Variants in THSD4 observed in about 807,000 individuals in gnomAD.
THSD4 encodes the protein thrombospondin type-1 domain-containing protein 4.
A neutral mutation model predicts 119.0 loss-of-function variants in THSD4; 69 were observed. The observed-to-expected ratio is 0.58, with a 90% CI of 0.48 to 0.71. The LOEUF (loss-of-function observed/expected upper bound fraction) is 0.71, where lower values mean the gene tolerates loss of function less well. Among genes scored for constraint, THSD4 ranks in the 30% least tolerant of loss-of-function variants. THSD4 has a pLI of 0.00. For missense variants in THSD4, 1,393 were observed against 1,391.1 expected (o/e 1.00, Z -0.02); for synonymous variants, 524 against 540.4 (o/e 0.97, Z 0.42).
intron 8 of THSD4, among the ~76,000 whole-genome samples, chr15:71,720,165 C>G (rs999282137): frequency 1.3e-5 from 2 of 151,714 alleles, no homozygotes; most frequent in African/African-American, 4.8e-5. Context: ...ATCCTCTCGC[C>G]TCAGCCTCTT....
chr15:71,284,814 A>G (rs923980329), intron 6 of THSD4, among the ~76,000 whole-genome samples: 2 of 152,096 alleles, frequency 1.3e-5, no homozygotes, highest in Non-Finnish European at 2.9e-5. Context: ...TTTTGAGAAC[A>G]TTTGTTTTCT....
intron 6 of THSD4, among the ~76,000 whole-genome samples, chr15:71,370,098 G>C (rs1287231969): frequency 2.0e-5 from 3 of 152,194 alleles, no homozygotes; most frequent in African/African-American, 7.2e-5. Context: ...TGTGGTGGTA[G>C]TTTGTATTTC....
intron 7 of THSD4, among the ~76,000 whole-genome samples, chr15:71,563,635 C>T (rs2049170635): frequency 6.6e-6 from 1 of 152,098 alleles, no homozygotes; most frequent in Non-Finnish European, 1.5e-5. Context: ...AAGAAAAAGT[C>T]CACATCTTTT....
chr15:71,629,869 T>A (rs1875415), intron 7 of THSD4, among the ~76,000 whole-genome samples: 2 of 152,190 alleles, frequency 1.3e-5, no homozygotes, highest in South Asian at 2.1e-4. Context: ...GCCTATTTCC[T>A]CGGGTTACTC....
At chr15:71,486,611 G>GTTTTTT (rs200120589) in intron 7 of THSD4, among the ~76,000 whole-genome samples, 6 of 131,708 alleles carry the variant, frequency 4.6e-5, no homozygotes, top group African/African-American at 8.8e-5. Flanking sequence ...TTTCTTTTCT[G>GTTTTTT]TTTTTTTTTT....
chr15:71,120,039 C>G (rs1045055638), intron 1 of THSD4, among the ~76,000 whole-genome samples: 4 of 152,214 alleles, frequency 2.6e-5, no homozygotes, highest in Non-Finnish European at 5.9e-5. Context: ...GTGCTTGAGA[C>G]AATTGGAGCT....
intron 8 of THSD4, among the ~76,000 whole-genome samples, chr15:71,723,102 G>C (rs564399769): frequency 1.1e-4 from 17 of 148,680 alleles, no homozygotes; most frequent in African/African-American, 4.2e-4. Flanking sequence ...AAAAAAAATG[G>C]GCAGATAATA....
intron 5 of THSD4, among the ~76,000 whole-genome samples, chr15:71,249,241 C>T (rs1567169226): frequency 6.6e-6 from 1 of 151,996 alleles, no homozygotes; most frequent in Admixed American, 6.6e-5. Context: ...TATATATACA[C>T]ACAAATATAT....
At chr15:71,527,256 A>G (rs2048535879) in intron 7 of THSD4, among the ~76,000 whole-genome samples, 1 of 152,122 alleles carries the variant, frequency 6.6e-6, no homozygotes, top group Non-Finnish European at 1.5e-5. Context: ...GGAGAAATAA[A>G]TTTCTATTAT....
At chr15:71,258,717 C>T (rs2044352503) in intron 6 of THSD4, among the ~76,000 whole-genome samples, 3 of 152,170 alleles carry the variant, frequency 2.0e-5, no homozygotes, top group Admixed American at 2.0e-4. Flanking sequence ...CTGCCCCCAC[C>T]CACCACCCAA....
chr15:71,675,967 A>ACTG (rs2051638702), intron 8 of THSD4, among the ~76,000 whole-genome samples: 1 of 152,120 alleles, frequency 6.6e-6, no homozygotes, highest in Non-Finnish European at 1.5e-5. Flanking sequence ...CCCTGTCCCC[A>ACTG]CTGCTACCTC....
chr15:71,356,922 G>A (rs2045821992), intron 6 of THSD4, among the ~76,000 whole-genome samples: 1 of 152,228 alleles, frequency 6.6e-6, no homozygotes, highest in African/African-American at 2.4e-5. Context: ...CGCACAGGGT[G>A]ATCACTGAGT....
chr15:71,115,888 C>T lies in THSD4; in HGVS notation c.-80+190C>T, dbSNP rs886651037. Among the ~76,000 whole-genome samples the T allele has an allele frequency of 1.3e-5, 2 of 152,022 alleles. No homozygotes were observed. Among genetic ancestry groups the T allele is most frequent in the Non-Finnish European group, 2.9e-5 (2 of 67,970 alleles). The stretch of plus-strand genomic sequence containing the variant: ...TCGGGGAGCCAGCGCGCGCCTGGTC[C>T]GTGCGGACGGCTGCGCCTCCTTCTC... On this transcript the variant is annotated intron_variant, in intron 1 of 17. Transcript: ENST00000261862. The surrounding 1 kb of genome is among the most constrained non-coding windows in gnomAD (Gnocchi z 4.4).
In THSD4 at chr15:71,782,749, C is replaced by T. The variant is rs1397716619; in HGVS notation, c.*5375C>T. ...AAATTACTCTGCTTTTCGACTCATTCAGGTAGCATTGTACCTGAACCTGAT... is the reference window on the plus strand; with the variant it reads ...AAATTACTCTGCTTTTCGACTCATTTAGGTAGCATTGTACCTGAACCTGAT... On this transcript the variant is annotated 3_prime_UTR_variant, in exon 18 of 18. Transcript: ENST00000261862. 1.3e-5 allele frequency: 2 copies of T among 152,186 alleles called. No individual in the cohort carries two copies. The highest frequency in any genetic ancestry group is 2.9e-5 in the Non-Finnish European group (2 of 68,040). 9.4% of individuals were successfully genotyped at this position (152,186 alleles called of 1,614,324 possible).
At chr15:71,622,610 G>C (rs1377227039) in intron 7 of THSD4, among the ~76,000 whole-genome samples, 1 of 152,144 alleles carries the variant, frequency 6.6e-6, no homozygotes, top group Non-Finnish European at 1.5e-5. Context: ...CTTTTTTCAA[G>C]ATGTTCAATC....
intron 7 of THSD4, among the ~76,000 whole-genome samples, chr15:71,615,256 T>C (rs2140917557): frequency 6.6e-6 from 1 of 152,268 alleles, no homozygotes; most frequent in Admixed American, 6.5e-5. Context: ...TCTCTATTTT[T>C]AGAAAAGATA....
At chr15:71,262,810 G>T (rs1394216957) in intron 6 of THSD4, among the ~76,000 whole-genome samples, 4 of 152,158 alleles carry the variant, frequency 2.6e-5, no homozygotes, top group Admixed American at 2.0e-4. Flanking sequence ...AAGCTTGCCT[G>T]CTGTTCACCT....
chr15:71,628,300 C>T (rs1287541306), intron 7 of THSD4, among the ~76,000 whole-genome samples: 1 of 152,164 alleles, frequency 6.6e-6, no homozygotes, highest in East Asian at 1.9e-4. Flanking sequence ...CTGAGAATGA[C>T]ACACAGCCTT....
chr15:71,692,713 T>G (rs2052080730), intron 8 of THSD4, among the ~76,000 whole-genome samples: 1 of 152,044 alleles, frequency 6.6e-6, no homozygotes, highest in South Asian at 2.1e-4. Flanking sequence ...CAGGAGAAAG[T>G]GGGGAGGCAG....
Sources: allele counts gnomAD v4.1 joint callset (sites outside exome capture counted in the v4.1 genomes callset), GRCh38; gene constraint gnomAD v4.1.1; non-coding constraint Gnocchi (gnomAD v3.1); transcripts MANE v1.5; gene names NCBI Gene and HGNC (gene_info 2026-07-23, HGNC 2026-07-21).